Variants in CACHD1 observed in about 807,000 individuals in gnomAD.
CACHD1 encodes cache domain containing 1.
CACHD1 carries 71 observed loss-of-function variants against 138.7 expected under a neutral mutation model. The ratio of observed to expected loss-of-function variants is 0.51; its 90% CI spans 0.42 to 0.62. The LOEUF is 0.62. Ranked by LOEUF, CACHD1 falls within the 20% of genes least tolerant of loss-of-function variation. The pLI is 0.00. For synonymous variants in CACHD1, 578 were observed against 591.5 expected (o/e 0.98, Z 0.33); for missense variants, 1,389 against 1,625.3 (o/e 0.85, Z 2.50).
intron 1 of CACHD1, among the ~76,000 whole-genome samples, chr1:64,500,527 C>T (rs1337951149): frequency 6.6e-6 from 1 of 151,952 alleles, no homozygotes; most frequent in Non-Finnish European, 1.5e-5. Flanking sequence ...TCATAAAATC[C>T]AGTATTTAAG....
At chr1:64,597,524 G>GTTTTTTTTTTTTTTTTT (rs34162933) in intron 3 of CACHD1, among the ~76,000 whole-genome samples, 4 of 80,400 alleles carry the variant, frequency 5.0e-5, no homozygotes, top group Admixed American at 1.4e-4. Flanking sequence ...TTTTTTTGTT[G>GTTTTTTTTTTTTTTTTT]TTTTTTTTTT....
chr1:64,560,512 A>G (rs1043523952), intron 2 of CACHD1, among the ~76,000 whole-genome samples: 1 of 151,860 alleles, frequency 6.6e-6, no homozygotes, highest in South Asian at 2.1e-4. Context: ...TGGTCTTTAG[A>G]TATCTTATTG....
intron 3 of CACHD1, among the ~76,000 whole-genome samples, chr1:64,582,896 T>A (rs1647023621): frequency 6.6e-6 from 1 of 152,194 alleles, no homozygotes. Context: ...AGCTTAGTTT[T>A]AAGTTTGACT....
intron 4 of CACHD1, among the ~76,000 whole-genome samples, chr1:64,609,587 A>G (rs1318904257): frequency 2.0e-5 from 3 of 152,112 alleles, no homozygotes; most frequent in Admixed American, 2.0e-4. Flanking sequence ...GGTCTTTCTT[A>G]TAGTTTCTCA....
At chr1:64,522,206 C>G (rs1486827179) in intron 1 of CACHD1, among the ~76,000 whole-genome samples, 1 of 152,188 alleles carries the variant, frequency 6.6e-6, no homozygotes, top group Non-Finnish European at 1.5e-5. Flanking sequence ...TTTGAGAAGA[C>G]TCTTCTTTCC....
At chr1:64,584,174 T>G (rs1647032994) in intron 3 of CACHD1, among the ~76,000 whole-genome samples, 1 of 152,114 alleles carries the variant, frequency 6.6e-6, no homozygotes, top group Admixed American at 6.6e-5. Context: ...GAAAGACATG[T>G]GGCAATGTCT....
chr1:64,671,553 T>C lies in CACHD1; in HGVS notation c.2388-11T>C. The C allele has an allele frequency of 6.2e-7, 1 of 1,613,936 alleles. No individual in the cohort carries two copies. The highest frequency in any genetic ancestry group is 1.1e-5 in the South Asian group (1 of 91,070). Reference sequence around the variant, plus strand: ...ATGCCTATTGTTCTCATTGATCTTTTTCACTTAAAGTACACAGCTGTCTTC... The same window carrying C: ...ATGCCTATTGTTCTCATTGATCTTTCTCACTTAAAGTACACAGCTGTCTTC... On this transcript the variant is annotated splice_polypyrimidine_tract_variant and intron_variant, in intron 16 of 26. Coordinates refer to ENST00000651257, the MANE Select transcript of CACHD1 (RefSeq NM_020925.4).
intron 16 of CACHD1, among the ~76,000 whole-genome samples, chr1:64,670,808 G>A (rs935457822): frequency 2.0e-5 from 3 of 152,104 alleles, no homozygotes; most frequent in Non-Finnish European, 2.9e-5. Context: ...CCATTTTCAG[G>A]TGAGAAAACT....
chr1:64,642,399 C>T (rs181381957), intron 8 of CACHD1, among the ~76,000 whole-genome samples: 10 of 152,332 alleles, frequency 6.6e-5, no homozygotes, highest in African/African-American at 2.4e-4. Flanking sequence ...CACCTGAAGC[C>T]TCTTCTGCCA....
intron 8 of CACHD1, among the ~76,000 whole-genome samples, chr1:64,643,035 CTAAAAAAAAAAAAAA>C (rs1288934093): frequency 2.4e-5 from 1 of 41,486 alleles, no homozygotes; most frequent in Non-Finnish European, 3.7e-5. Context: ...AAGACTCTGT[CTAAAAAAAAAAAAAA>C]AAAAAAAAAA....
intron 7 of CACHD1, among the ~76,000 whole-genome samples, chr1:64,641,170 C>T (rs1295537928): frequency 6.6e-6 from 1 of 152,014 alleles, no homozygotes; most frequent in Non-Finnish European, 1.5e-5. Flanking sequence ...CCTGTCATTA[C>T]TCCCATTTTA....
At chr1:64,515,478 A>G (rs1354264065) in intron 1 of CACHD1, among the ~76,000 whole-genome samples, 1 of 152,230 alleles carries the variant, frequency 6.6e-6, no homozygotes, top group African/African-American at 2.4e-5. Context: ...GCAATTAATA[A>G]TGAAAATGAA....
intron 19 of CACHD1, 106 bp downstream of exon 19, chr1:64,673,570 CT>C: frequency 2.1e-6 from 2 of 932,772 alleles, no homozygotes; most frequent in Non-Finnish European, 3.4e-6. Context: ...GTTTCATCGC[CT>C]TAGAACTATA....
intron 2 of CACHD1, among the ~76,000 whole-genome samples, chr1:64,576,561 C>T (rs1366648901): frequency 6.6e-6 from 1 of 151,936 alleles, no homozygotes; most frequent in Non-Finnish European, 1.5e-5. Context: ...CCATCACATT[C>T]CTCGTCAGAA....
intron 4 of CACHD1, among the ~76,000 whole-genome samples, chr1:64,627,929 T>G (rs1648167172): frequency 6.6e-6 from 1 of 152,124 alleles, no homozygotes; most frequent in Non-Finnish European, 1.5e-5. Flanking sequence ...AAGAGAAGAA[T>G]TAACTGGTAT....
At chr1:64,556,890 G>A (rs1446751717) in intron 2 of CACHD1, among the ~76,000 whole-genome samples, 3 of 152,118 alleles carry the variant, frequency 2.0e-5, no homozygotes, top group African/African-American at 7.2e-5. Flanking sequence ...TTGGCAAGGC[G>A]GGTGGATCAT....
At chr1:64,591,993 C>G (rs1212091050) in intron 3 of CACHD1, among the ~76,000 whole-genome samples, 1 of 152,150 alleles carries the variant, frequency 6.6e-6, no homozygotes, top group East Asian at 1.9e-4. Flanking sequence ...GCAAAACTGA[C>G]TTTGTTTTTA....
At chr1:64,472,767 G>C (rs921817293) in intron 1 of CACHD1, among the ~76,000 whole-genome samples, 6 of 152,176 alleles carry the variant, frequency 3.9e-5, no homozygotes, top group Non-Finnish European at 8.8e-5. Context: ...ATATATTGGA[G>C]TTGTGGACTC....
intron 9 of CACHD1, among the ~76,000 whole-genome samples, chr1:64,651,185 A>G (rs1457355799): frequency 6.6e-6 from 1 of 152,148 alleles, no homozygotes; most frequent in East Asian, 1.9e-4. Flanking sequence ...AAAATTATGC[A>G]CTAGAGACTG....
Sources: allele counts gnomAD v4.1 joint callset (sites outside exome capture counted in the v4.1 genomes callset), GRCh38; gene constraint gnomAD v4.1.1; transcripts MANE v1.5; gene names NCBI Gene and HGNC (gene_info 2026-07-23, HGNC 2026-07-21).